The following ASIC2 variants were observed in gnomAD, a reference collection of about 807,000 sequenced individuals.
ASIC2 encodes the protein acid sensing ion channel subunit 2.
In ASIC2, 25 loss-of-function variants were observed where a neutral mutation model predicts 57.3. That is an observed-to-expected ratio of 0.44 (90% CI 0.32 to 0.61). The LOEUF (loss-of-function observed/expected upper bound fraction) is 0.61, where lower values mean the gene tolerates loss of function less well. ASIC2 is among the 20% of genes least tolerant of loss of function. The probability of loss-of-function intolerance (pLI) is 0.06; values close to 1 mark genes in which losing one functional copy is unlikely to be tolerated. For synonymous variants in ASIC2, 319 were observed against 307.5 expected (o/e 1.04, Z -0.39); for missense variants, 641 against 738.1 (o/e 0.87, Z 1.52).
chr17:34,133,801 T>C (rs1441533683), intron 1 of ASIC2, among the ~76,000 whole-genome samples: 5 of 152,222 alleles, frequency 3.3e-5, no homozygotes, highest in African/African-American at 1.2e-4. Flanking sequence ...GGTAAACCAG[T>C]GGTTCTCAAC....
chr17:33,688,632 T>C (rs1908269551), intron 1 of ASIC2, among the ~76,000 whole-genome samples: 1 of 152,206 alleles, frequency 6.6e-6, no homozygotes, highest in Non-Finnish European at 1.5e-5. Flanking sequence ...GTGGATTGGA[T>C]AAATTTGAAC....
chr17:33,333,710 A>C (rs1907404706), intron 1 of ASIC2, among the ~76,000 whole-genome samples: 1 of 152,186 alleles, frequency 6.6e-6, no homozygotes, highest in Admixed American at 6.5e-5. Flanking sequence ...AAAAAAAAGC[A>C]ATTAAAAACT....
intron 1 of ASIC2, among the ~76,000 whole-genome samples, chr17:33,193,801 A>C (rs1286197157): frequency 6.6e-6 from 1 of 152,144 alleles, no homozygotes; most frequent in Non-Finnish European, 1.5e-5. Flanking sequence ...CCACACTTGG[A>C]GTCCCATGGG....
chr17:33,091,467 C>T (rs1041985997), intron 2 of ASIC2, among the ~76,000 whole-genome samples: 1 of 152,138 alleles, frequency 6.6e-6, no homozygotes, highest in African/African-American at 2.4e-5. Context: ...GCCTGCTATA[C>T]AACCAAGCTT....
At chr17:33,894,342 CGTGCGTGCGTGTGTGTGTGTGTGT>C (rs1915037930) in intron 1 of ASIC2, among the ~76,000 whole-genome samples, 1 of 65,230 alleles carries the variant, frequency 1.5e-5, no homozygotes, top group Non-Finnish European at 3.2e-5. Flanking sequence ...TGCGTGCGTG[CGTGCGTGCGTGTGTGTGTGTGTGT>C]GTGTGTGTGT....
rs184765133 is a variant in ASIC2, at chr17:33,350,345, C to T, written c.556-238278G>A. Among the ~76,000 whole-genome samples the T allele has an allele frequency of 2.9e-3, 435 of 152,258 alleles. 2 individuals are homozygous for T. The highest frequency in any genetic ancestry group is 4.6e-3 in the Non-Finnish European group (314 of 68,018). On this transcript the variant is annotated intron_variant, in intron 1 of 9. Coordinates refer to the ASIC2 transcript ENST00000359872. ...CCTCAAGACTAGCACCCTGTGTTCA[C>T]GATCCTTGGGCATTTTAGAGCTTTT...
In ASIC2 at chr17:33,443,406, A is replaced by ATTTTTTTTTTTTTTTT. The variant is rs779597047; in HGVS notation, c.556-331355_556-331340dup. Among the ~76,000 whole-genome samples, 44 of 75,260 alleles carry ATTTTTTTTTTTTTTTT rather than the reference A, an allele frequency of 5.8e-4. 4 individuals are homozygous for ATTTTTTTTTTTTTTTT. Among genetic ancestry groups the ATTTTTTTTTTTTTTTT allele is most frequent in the African/African-American group, 1.9e-3 (35 of 18,106 alleles). 49.4% of individuals were successfully genotyped at this position (75,260 alleles called of 152,430 possible). On this transcript the variant is annotated intron_variant, in intron 1 of 9. Transcript: ENST00000359872. ...TTTTTTATGTATGGTGGAGGGTAAGATTTTTTTTTTTTTTTTTTTTTTTTT... is the reference window on the plus strand; with the variant it reads ...TTTTTTATGTATGGTGGAGGGTAAGATTTTTTTTTTTTTTTTTTTTTTTTTTTTTTTTTTTTTTTTT...
At chr17:33,511,906 G>A (rs1422177577) in intron 1 of ASIC2, among the ~76,000 whole-genome samples, 1 of 152,138 alleles carries the variant, frequency 6.6e-6, no homozygotes. Flanking sequence ...CCAAGCCTGG[G>A]GCTTCCAGGA....
At chr17:34,120,429 G>A (rs935396945) in intron 1 of ASIC2, among the ~76,000 whole-genome samples, 7 of 152,006 alleles carry the variant, frequency 4.6e-5, no homozygotes, top group Non-Finnish European at 1.0e-4. Flanking sequence ...TCATTTAGAT[G>A]AGATATTAGA....
At chr17:33,601,532 C>CAGAA in intron 1 of ASIC2, among the ~76,000 whole-genome samples, 1 of 152,276 alleles carries the variant, frequency 6.6e-6, no homozygotes, top group East Asian at 1.9e-4. Flanking sequence ...TGCAGGTGTG[C>CAGAA]AGAAAGCAAA....
At chr17:34,019,015 C>G (rs1043805503) in intron 1 of ASIC2, among the ~76,000 whole-genome samples, 3 of 152,092 alleles carry the variant, frequency 2.0e-5, no homozygotes, top group Non-Finnish European at 2.9e-5. Context: ...TCATGCCATT[C>G]TCCTGCCTCA....
intron 3 of ASIC2, among the ~76,000 whole-genome samples, chr17:33,078,513 A>T (rs2092098812): frequency 6.6e-6 from 1 of 152,254 alleles, no homozygotes; most frequent in Admixed American, 6.5e-5. Flanking sequence ...TCCATCCTTC[A>T]TTCCATCTAA....
At position 33,643,535 on chromosome 17, in the gene ASIC2, G is replaced by A. The variant is rs140026611; in HGVS notation, c.555+512443C>T. 5.9e-5 allele frequency among the ~76,000 whole-genome samples: 9 copies of A among 152,260 alleles called. No individual in the cohort carries two copies. In the East Asian group the frequency reaches 1.7e-3, roughly 29 times the overall value. On this transcript the variant is annotated intron_variant, in intron 1 of 9. Transcript: ENST00000359872. ...ACTAAAGAGTTTTCCATAAATGGGTGGACCTGAGATTTACAAGCATTAAGT... is the reference window on the plus strand; with the variant it reads ...ACTAAAGAGTTTTCCATAAATGGGTAGACCTGAGATTTACAAGCATTAAGT...
chr17:33,531,733 G>A (rs1245396142), intron 1 of ASIC2, among the ~76,000 whole-genome samples: 1 of 151,960 alleles, frequency 6.6e-6, no homozygotes, highest in African/African-American at 2.4e-5. Flanking sequence ...CATCCTCTAC[G>A]TCCCCAACTC....
At chr17:33,697,014 G>A (rs949286085) in intron 1 of ASIC2, among the ~76,000 whole-genome samples, 1 of 152,028 alleles carries the variant, frequency 6.6e-6, no homozygotes, top group African/African-American at 2.4e-5. Flanking sequence ...TCTTGATACT[G>A]TCCTCACAAT....
intron 1 of ASIC2, among the ~76,000 whole-genome samples, chr17:33,448,772 G>A (rs188237882): frequency 1.1e-4 from 16 of 152,350 alleles, no homozygotes; most frequent in Admixed American, 9.1e-4. Flanking sequence ...TGACTATAGA[G>A]GCTATAGGAC....
At chr17:33,137,603 A>G (rs1314838056) in intron 1 of ASIC2, among the ~76,000 whole-genome samples, 2 of 152,132 alleles carry the variant, frequency 1.3e-5, no homozygotes, top group Non-Finnish European at 1.5e-5. Flanking sequence ...GCTCATTCCT[A>G]TTTATTGTTG....
intron 1 of ASIC2, among the ~76,000 whole-genome samples, chr17:33,640,508 G>A (rs1567676868): frequency 6.6e-6 from 1 of 152,172 alleles, no homozygotes; most frequent in Non-Finnish European, 1.5e-5. Context: ...GACTGTGAAC[G>A]GCATAGGGTA....
At chr17:33,632,710 A>G (rs1597814603) in intron 1 of ASIC2, among the ~76,000 whole-genome samples, 2 of 152,122 alleles carry the variant, frequency 1.3e-5, no homozygotes, top group African/African-American at 4.8e-5. Context: ...AAGATTACAG[A>G]TGTGAACCAG....
Sources: gnomAD v4.1 joint callset for allele counts (sites outside exome capture counted in the v4.1 genomes callset) on GRCh38, gnomAD v4.1.1 for gene constraint, MANE v1.5 for transcripts, NCBI Gene and HGNC (gene_info 2026-07-23, HGNC 2026-07-21) for gene names.